Variants in PRTG observed in about 807,000 individuals in gnomAD.
PRTG encodes the protein immunoglobulin superfamily, DCC subclass, member 5.
In PRTG, 67 loss-of-function variants were observed where a neutral mutation model predicts 122.5. The ratio of observed to expected loss-of-function variants is 0.55; its 90% confidence interval spans 0.45 to 0.67. The LOEUF is 0.67. Among genes scored for constraint, PRTG ranks in the 30% least tolerant of loss-of-function variants. The pLI is 0.00. For synonymous variants in PRTG, 554 were observed against 501.1 expected, an observed-to-expected ratio of 1.11 and a Z score of -1.41; for missense variants, 1,435 against 1,415.4, an observed-to-expected ratio of 1.01 and a Z score of -0.22.
In PRTG at chr15:55,638,568, G is replaced by A. The variant is rs2059270934; in HGVS notation, c.2433C>T (p.Tyr811=). ...CTTTACCTTCTGGAAGAGTAGAATG[G>A]TAGACTACAGGGCTCCAAGGACTGG... ...QLSSPWSPVV[Y]HSTLPEAPAG... Residue 811 remains tyrosine (Y), a synonymous_variant, in exon 14 of 20, where the codon TAC becomes TAT. Transcript: ENST00000389286. The A allele has an allele frequency of 6.2e-7, 1 of 1,611,530 alleles. No homozygotes were observed. Among genetic ancestry groups the A allele is most frequent in the Non-Finnish European group, 8.5e-7 (1 of 1,178,750 alleles).
intron 2 of PRTG, 88 bp from the exon 3 acceptor site, chr15:55,684,019 T>C: frequency 5.3e-6 from 6 of 1,141,732 alleles, no homozygotes; most frequent in Non-Finnish European, 7.4e-6. Flanking sequence ...TTATTGGACT[T>C]GAACCCTTGC....
At chr15:55,651,734 A>G (rs1046339275) in intron 11 of PRTG, among the ~76,000 whole-genome samples, 9 of 152,188 alleles carry the variant, frequency 5.9e-5, no homozygotes, top group African/African-American at 1.9e-4. Context: ...TTTGTTTCTG[A>G]GGCTCCAGAA....
intron 2 of PRTG, among the ~76,000 whole-genome samples, chr15:55,693,437 C>T (rs541883986): frequency 1.4e-5 from 2 of 145,606 alleles, no homozygotes; most frequent in Non-Finnish European, 3.0e-5. Context: ...GCCTGGGCAA[C>T]AAGAGTATAA....
intron 4 of PRTG, among the ~76,000 whole-genome samples, 164 bp downstream of exon 4, chr15:55,682,200 A>G (rs2059542410): frequency 6.6e-6 from 1 of 152,236 alleles, no homozygotes; most frequent in South Asian, 2.1e-4. Flanking sequence ...AAACTGGCCT[A>G]TGAAAGAAGA....
At chr15:55,655,700 T>C (rs1300176704) in intron 11 of PRTG, 3 of 151,840 alleles carry the variant, frequency 2.0e-5, no homozygotes, top group Admixed American at 2.0e-4. Flanking sequence ...AAGAAACTGA[T>C]GTTCTGTGCC....
At chr15:55,640,148 C>A (rs2059281569) in intron 12 of PRTG, among the ~76,000 whole-genome samples, 4 of 152,146 alleles carry the variant, frequency 2.6e-5, no homozygotes, top group African/African-American at 9.7e-5. Flanking sequence ...TAGCCTACTG[C>A]ACACCTGGGC....
chr15:55,701,464 G>A (rs1020139838), intron 2 of PRTG, among the ~76,000 whole-genome samples: 12 of 152,100 alleles, frequency 7.9e-5, no homozygotes, highest in Non-Finnish European at 1.5e-4. Context: ...AACCCGGGAG[G>A]CAGAGGTTGC....
At chr15:55,670,309 CTAA>C (rs1279099668) in intron 11 of PRTG, among the ~76,000 whole-genome samples, 1 of 152,060 alleles carries the variant, frequency 6.6e-6, no homozygotes, top group Non-Finnish European at 1.5e-5. Context: ...TAAGAGCATG[CTAA>C]TAATGTATTT....
intron 2 of PRTG, among the ~76,000 whole-genome samples, chr15:55,728,728 A>T (rs969358339): frequency 9.9e-5 from 15 of 150,824 alleles, no homozygotes; most frequent in African/African-American, 3.7e-4. Context: ...GTGATTTAAC[A>T]TTGTACTAAA....
intron 2 of PRTG, among the ~76,000 whole-genome samples, chr15:55,684,725 A>C (rs1001333277): frequency 3.9e-5 from 6 of 152,142 alleles, no homozygotes; most frequent in Admixed American, 3.3e-4. Flanking sequence ...GAGTCTAGCG[A>C]TATCTTAAAG....
rs2059143566 is a variant in PRTG, at chr15:55,616,761, T to A, written c.*3251A>T. 1 of 152,164 alleles carries A rather than the reference T, an allele frequency of 6.6e-6. No individual in the cohort carries two copies. The highest frequency in any genetic ancestry group is 1.5e-5 in the Non-Finnish European group (1 of 67,994). 9.4% of individuals were successfully genotyped at this position (152,164 alleles called of 1,614,324 possible). The stretch of plus-strand genomic sequence containing the variant: ...ATAAAAAGTACTTGAATAAAAACAC[T>A]GATAAATACCAATATAATTGTATTG... On this transcript the variant is annotated 3_prime_UTR_variant, in exon 20 of 20. Coordinates refer to ENST00000389286, the MANE Select transcript of PRTG (RefSeq NM_173814.6).
At chr15:55,702,826 A>C (rs1485381813) in intron 2 of PRTG, 1 of 779,738 alleles carries the variant, frequency 1.3e-6, no homozygotes, top group Non-Finnish European at 1.6e-6. Flanking sequence ...ACACAACCTG[A>C]AAAGCCCAGC....
intron 8 of PRTG, 69 bp from the exon 9 acceptor site, chr15:55,675,752 C>A (rs117361742): frequency 0.011 from 9,076 of 845,250 alleles, 64 homozygotes; most frequent in Non-Finnish European, 0.013. Flanking sequence ...CATTTTCCTG[C>A]ACTGTGAAAC....
chr15:55,645,279 C>T (rs1485433024), intron 11 of PRTG, among the ~76,000 whole-genome samples: 1 of 148,498 alleles, frequency 6.7e-6, no homozygotes, highest in Non-Finnish European at 1.5e-5. Flanking sequence ...ACTAAAAATA[C>T]AAAAATTAGC....
chr15:55,627,492 G>GTTTTTTT (rs35022592), intron 16 of PRTG, among the ~76,000 whole-genome samples: 6 of 104,774 alleles, frequency 5.7e-5, no homozygotes, highest in Non-Finnish European at 9.1e-5. Flanking sequence ...GCCCAGCTAA[G>GTTTTTTT]TTTTTTTTTT....
chr15:55,718,220 A>G (rs2030672560), intron 2 of PRTG, among the ~76,000 whole-genome samples: 1 of 152,200 alleles, frequency 6.6e-6, no homozygotes, highest in African/African-American at 2.4e-5. Flanking sequence ...AAATAGCCAG[A>G]AAACGGCACT....
chr15:55,627,974 T>G (rs149365977), intron 16 of PRTG, among the ~76,000 whole-genome samples: 140 of 152,230 alleles, frequency 9.2e-4, no homozygotes, highest in Middle Eastern at 3.4e-3. Context: ...CTAGACTACT[T>G]TGAGTGGCAA....
chr15:55,636,201 TA>T (rs1451414773), intron 15 of PRTG, among the ~76,000 whole-genome samples: 1 of 151,330 alleles, frequency 6.6e-6, no homozygotes, highest in African/African-American at 2.4e-5. Context: ...TTTTCTCAAC[TA>T]AAAAAAAATT....
rs1377803005 is a variant in PRTG at position 55,618,263 on chromosome 15, T to C, written c.*1749A>G. ...TTAAAAATGTTATATCTACAGTCAT[T>C]AGACTAGCAGATGATGCTGGGACTA... On this transcript the variant is annotated 3_prime_UTR_variant, in exon 20 of 20. Transcript: ENST00000389286. 1 of 152,180 alleles carries C rather than the reference T, an allele frequency of 6.6e-6. No homozygotes were observed. The highest frequency in any genetic ancestry group is 6.5e-5 in the Admixed American group (1 of 15,270). 9.4% of individuals were successfully genotyped at this position (152,180 alleles called of 1,614,324 possible).
Sources: allele counts gnomAD v4.1 joint callset (sites outside exome capture counted in the v4.1 genomes callset), GRCh38; gene constraint gnomAD v4.1.1; transcripts MANE v1.5; gene names NCBI Gene and HGNC (gene_info 2026-07-23, HGNC 2026-07-21).